APCDD1L: variants seen among roughly 807,000 people sequenced by gnomAD.
APCDD1L encodes the protein protein APCDD1-like.
In APCDD1L, 21 loss-of-function variants were observed where a neutral mutation model predicts 24.2. The ratio of observed to expected loss-of-function variants is 0.87; its 90% CI spans 0.61 to 1.25. The LOEUF is 1.25. Ranked by LOEUF, APCDD1L falls within the 50% of genes most tolerant of loss-of-function variation. The pLI, the probability that APCDD1L is intolerant of heterozygous loss-of-function variation, is 0.00. For synonymous variants in APCDD1L, 321 were observed against 323.6 expected (o/e 0.99, Z 0.09); for missense variants, 704 against 711.7 (o/e 0.99, Z 0.12).
intron 1 of APCDD1L, among the ~76,000 whole-genome samples, chr20:58,511,968 A>G (rs923390432): frequency 2.6e-5 from 4 of 152,212 alleles, no homozygotes; most frequent in Admixed American, 2.6e-4. Flanking sequence ...TCCAGCATAA[A>G]TTGTTGAGTA....
At chr20:58,465,275 G>A (rs940081548) in intron 3 of APCDD1L, among the ~76,000 whole-genome samples, 1 of 152,156 alleles carries the variant, frequency 6.6e-6, no homozygotes, top group Non-Finnish European at 1.5e-5. Flanking sequence ...CTGATTTTCT[G>A]ATTATGAGAA....
At chr20:58,470,565 C>A in intron 2 of APCDD1L, 44 bp downstream of exon 2, 1 of 1,536,374 alleles carries the variant, frequency 6.5e-7, no homozygotes, top group Non-Finnish European at 8.8e-7. Context: ...AGGCAGAAGT[C>A]TCCCAGTCCA....
chr20:58,509,365 C>T (rs764212700), intron 1 of APCDD1L, among the ~76,000 whole-genome samples: 15 of 152,152 alleles, frequency 9.9e-5, no homozygotes, highest in Admixed American at 1.3e-4. Context: ...TGGGCACAGA[C>T]GGTACCTTTA....
chr20:58,487,819 A>G (rs930919437), intron 1 of APCDD1L, among the ~76,000 whole-genome samples: 1 of 152,258 alleles, frequency 6.6e-6, no homozygotes, highest in Non-Finnish European at 1.5e-5. Context: ...AAATGTTGAC[A>G]AATCCATCGT....
At chr20:58,500,916 A>G (rs1600875390) in intron 1 of APCDD1L, among the ~76,000 whole-genome samples, 1 of 152,030 alleles carries the variant, frequency 6.6e-6, no homozygotes, top group Non-Finnish European at 1.5e-5. Context: ...CTCCAGATGC[A>G]CCCCAGCTTT....
Position 58,466,541 on chromosome 20 carries a change from G to T in APCDD1L, c.741+565C>A, listed in dbSNP as rs183032777. 7.2e-5 allele frequency among the ~76,000 whole-genome samples: 11 copies of T among 152,372 alleles called. No individual in the cohort carries two copies. In the East Asian group the frequency reaches 1.9e-3, roughly 27 times the overall value. On this transcript the variant is annotated intron_variant, in intron 3 of 3. Transcript: ENST00000371149. ...CCCAGCGGCGCCCTGGAGGAAAGCT[G>T]CCCTCTCCCTAATTCATCCATCCAC...
chr20:58,504,206 A>G (rs983176003), intron 1 of APCDD1L, among the ~76,000 whole-genome samples: 1 of 152,202 alleles, frequency 6.6e-6, no homozygotes, highest in Non-Finnish European at 1.5e-5. Flanking sequence ...GGCTAATGGT[A>G]TCAACAAGTA....
chr20:58,515,093 G>C lies in APCDD1L; in HGVS notation c.-386C>G, dbSNP rs950250908. 68 of 198,146 alleles carry C rather than the reference G, an allele frequency of 3.4e-4. No homozygotes were observed. Among genetic ancestry groups the C allele is most frequent in the African/African-American group, 1.3e-3 (55 of 43,214 alleles). The allele number at this position is 198,146 out of a possible 1,614,324, so 12.3% of individuals were successfully genotyped here. ...CAGTGGGCAAGGAGGCCTCCCCCAA[G>C]CTCTGGTCCCGGCCAAGGCAGAGCG... On this transcript the variant is annotated 5_prime_UTR_variant, in exon 1 of 4. Transcript: ENST00000371149.
intron 1 of APCDD1L, among the ~76,000 whole-genome samples, chr20:58,482,210 AT>A (rs747778356): frequency 2.6e-5 from 4 of 152,188 alleles, no homozygotes; most frequent in Non-Finnish European, 5.9e-5. Flanking sequence ...CTAGAGTGCA[AT>A]TTTGTGGGAA....
chr20:58,481,712 T>G (rs575737916), intron 1 of APCDD1L, among the ~76,000 whole-genome samples: 2 of 152,166 alleles, frequency 1.3e-5, no homozygotes, highest in East Asian at 3.9e-4. Context: ...TGGGAGCCAG[T>G]GGCGAACCCT....
rs887336517 is a variant in APCDD1L at position 58,497,485 on chromosome 20, G to C, written c.49+17174C>G. ...TGAGTCTGGGCTCAAGGTGCGAGCT[G>C]GGTTGGTTCCTTCTGAGGCTGGGCC... On this transcript the variant is annotated intron_variant, in intron 1 of 3. Coordinates refer to ENST00000371149, the MANE Select transcript of APCDD1L (RefSeq NM_153360.3). The surrounding 1 kb of genome is among the most constrained non-coding windows in gnomAD (Gnocchi z 4.3). 6.6e-6 allele frequency among the ~76,000 whole-genome samples: 1 copy of C among 152,142 alleles called. No individual in the cohort carries two copies. Among genetic ancestry groups the C allele is most frequent in the African/African-American group, 2.4e-5 (1 of 41,416 alleles).
At chr20:58,513,190 C>T (rs1388579500) in intron 1 of APCDD1L, among the ~76,000 whole-genome samples, 3 of 152,286 alleles carry the variant, frequency 2.0e-5, no homozygotes, top group East Asian at 3.9e-4. Flanking sequence ...GATGGACACC[C>T]GGTTTCCCCA....
intron 1 of APCDD1L, among the ~76,000 whole-genome samples, chr20:58,505,425 T>C (rs1008128428): frequency 6.6e-6 from 1 of 152,180 alleles, no homozygotes; most frequent in Non-Finnish European, 1.5e-5. Flanking sequence ...TCCATTTTTT[T>C]TGGATATATA....
intron 1 of APCDD1L, among the ~76,000 whole-genome samples, chr20:58,479,549 A>G (rs1012804585): frequency 6.8e-6 from 1 of 146,666 alleles, no homozygotes; most frequent in Admixed American, 6.8e-5. Context: ...AACAGTCCCT[A>G]TCTGTTGCTC....
At chr20:58,464,749 G>A (rs927169550) in intron 3 of APCDD1L, among the ~76,000 whole-genome samples, 11 of 152,170 alleles carry the variant, frequency 7.2e-5, no homozygotes, top group Admixed American at 2.6e-4. Context: ...GGTTTGGGTC[G>A]TGGGCAAGGC....
chr20:58,468,839 A>G (rs568623299), intron 2 of APCDD1L, among the ~76,000 whole-genome samples: 1 of 152,276 alleles, frequency 6.6e-6, no homozygotes, highest in Non-Finnish European at 1.5e-5. Context: ...AAGTGCTGGG[A>G]TTACAGGCGT....
intron 1 of APCDD1L, among the ~76,000 whole-genome samples, chr20:58,504,558 T>C (rs1243533240): frequency 6.6e-6 from 1 of 152,204 alleles, no homozygotes; most frequent in Non-Finnish European, 1.5e-5. Flanking sequence ...ATAATGCTCC[T>C]ACAGTGTTTC....
intron 2 of APCDD1L, among the ~76,000 whole-genome samples, chr20:58,470,270 G>C (rs1201837341): frequency 2.0e-5 from 3 of 152,224 alleles, no homozygotes; most frequent in African/African-American, 7.2e-5. Context: ...TTCCTTCATT[G>C]AAGAACTTAG....
At chr20:58,475,904 A>C (rs1437693360) in intron 1 of APCDD1L, among the ~76,000 whole-genome samples, 1 of 152,068 alleles carries the variant, frequency 6.6e-6, no homozygotes, top group Non-Finnish European at 1.5e-5. Context: ...ACCTGTGTCC[A>C]AATCTCCCTC....
Sources: gnomAD v4.1 joint callset for allele counts (sites outside exome capture counted in the v4.1 genomes callset) on GRCh38, gnomAD v4.1.1 for gene constraint, Gnocchi (gnomAD v3.1) non-coding constraint, MANE v1.5 for transcripts, NCBI Gene and HGNC (gene_info 2026-07-23, HGNC 2026-07-21) for gene names.